CSMD1: variants seen among roughly 807,000 people sequenced by gnomAD.
CSMD1 encodes the protein CUB and Sushi multiple domains 1.
CSMD1 carries 213 observed loss-of-function variants against 417.5 expected under a neutral mutation model. The ratio of observed to expected loss-of-function variants is 0.51; its 90% CI spans 0.46 to 0.57. CSMD1 has a LOEUF of 0.57. Among genes scored for constraint, CSMD1 ranks in the 20% least tolerant of loss-of-function variants. CSMD1 has a pLI of 0.00. For synonymous variants in CSMD1, 2,862 were observed against 1,736.8 expected, an observed-to-expected ratio of 1.65 and a Z score of -16.11; for missense variants, 6,923 against 4,529.7, an observed-to-expected ratio of 1.53 and a Z score of -15.17.
At chr8:3,946,319 G>T (rs936530812) in intron 5 of CSMD1, among the ~76,000 whole-genome samples, 4 of 151,882 alleles carry the variant, frequency 2.6e-5, no homozygotes, top group Non-Finnish European at 4.4e-5. Flanking sequence ...TCTTCTTTAC[G>T]GAATTACCTC....
chr8:4,745,478 T>A (rs368609517), intron 1 of CSMD1, among the ~76,000 whole-genome samples: 3 of 152,340 alleles, frequency 2.0e-5, no homozygotes, highest in Admixed American at 6.5e-5. Flanking sequence ...AACACTGTGG[T>A]ATCATATATT....
intron 3 of CSMD1, among the ~76,000 whole-genome samples, chr8:4,323,398 C>A (rs2128885600): frequency 6.6e-6 from 1 of 152,250 alleles, no homozygotes; most frequent in East Asian, 1.9e-4. Context: ...CCTAATTTCA[C>A]AGCCTTGTTC....
chr8:3,063,073 C>T lies in CSMD1; in HGVS notation c.7475-10426G>A, dbSNP rs375462572. Among the ~76,000 whole-genome samples the T allele has an allele frequency of 2.4e-4, 36 of 152,184 alleles. No homozygotes were observed. In the Middle Eastern group the frequency reaches 0.014, roughly 58 times the overall value. The stretch of plus-strand genomic sequence containing the variant: ...CCAATGTCCTATGGAACCCAAGAGT[C>T]CCAGGCTCACTAAGCATTTAATCAA... On this transcript the variant is annotated intron_variant, in intron 49 of 69. Coordinates refer to ENST00000635120, the MANE Select transcript of CSMD1 (RefSeq NM_033225.6).
chr8:3,574,790 G>A (rs911497096), intron 10 of CSMD1, among the ~76,000 whole-genome samples, 155 bp downstream of exon 10: 7 of 152,230 alleles, frequency 4.6e-5, no homozygotes, highest in African/African-American at 1.7e-4. Flanking sequence ...GCTCTGCAAT[G>A]AATGTGGCAT....
intron 26 of CSMD1, among the ~76,000 whole-genome samples, chr8:3,269,813 TTC>T (rs1801706179): frequency 6.6e-6 from 1 of 152,226 alleles, no homozygotes; most frequent in Non-Finnish European, 1.5e-5. Context: ...GTTCATGTCC[TTC>T]TGTTTTACAT....
intron 3 of CSMD1, among the ~76,000 whole-genome samples, chr8:4,396,009 A>T (rs753519483): frequency 1.1e-4 from 17 of 152,182 alleles, no homozygotes; most frequent in Non-Finnish European, 2.2e-4. Flanking sequence ...ATGTTTTATA[A>T]TCATTTTGTT....
At chr8:3,364,672 C>G (rs766147391) in intron 20 of CSMD1, among the ~76,000 whole-genome samples, 5 of 152,136 alleles carry the variant, frequency 3.3e-5, no homozygotes, top group Non-Finnish European at 5.9e-5. Flanking sequence ...TCTCTTTTAC[C>G]CCATGGGGAT....
intron 2 of CSMD1, among the ~76,000 whole-genome samples, chr8:4,552,220 T>C (rs1054365102): frequency 2.0e-4 from 31 of 152,192 alleles, no homozygotes; most frequent in African/African-American, 7.5e-4. Context: ...TTGGTCTCAA[T>C]GTGAGCCTCC....
intron 1 of CSMD1, among the ~76,000 whole-genome samples, chr8:4,846,031 C>G (rs1487015586): frequency 6.6e-6 from 1 of 152,162 alleles, no homozygotes; most frequent in Non-Finnish European, 1.5e-5. Flanking sequence ...CTTTGTTTTT[C>G]CAGAATGAGC....
chr8:3,923,221 T>C (rs1416862005), intron 5 of CSMD1, among the ~76,000 whole-genome samples: 1 of 152,026 alleles, frequency 6.6e-6, no homozygotes, highest in Non-Finnish European at 1.5e-5. Flanking sequence ...CAGGCTATTG[T>C]TTCCTTGTCT....
intron 5 of CSMD1, among the ~76,000 whole-genome samples, chr8:3,962,499 G>A (rs917324505): frequency 6.6e-6 from 1 of 152,176 alleles, no homozygotes; most frequent in African/African-American, 2.4e-5. Flanking sequence ...CAGCCAGCAT[G>A]CAGGAACCCC....
At chr8:4,744,021 C>T (rs1585031529) in intron 1 of CSMD1, among the ~76,000 whole-genome samples, 1 of 152,230 alleles carries the variant, frequency 6.6e-6, no homozygotes, top group Non-Finnish European at 1.5e-5. Flanking sequence ...CCTGCATCCA[C>T]GCCAGGCTGG....
intron 3 of CSMD1, among the ~76,000 whole-genome samples, chr8:4,119,549 G>C (rs1229594906): frequency 6.6e-6 from 1 of 151,332 alleles, no homozygotes; most frequent in African/African-American, 2.4e-5. Context: ...GTTTAGATGA[G>C]GCCTTAAGGG....
intron 5 of CSMD1, among the ~76,000 whole-genome samples, chr8:3,937,492 T>C (rs1162934796): frequency 2.0e-4 from 30 of 152,154 alleles, no homozygotes; most frequent in Admixed American, 2.0e-3. Context: ...AGCAAAAAGA[T>C]GATGAGTCAT....
At chr8:4,344,232 G>A (rs954785702) in intron 3 of CSMD1, among the ~76,000 whole-genome samples, 4 of 152,084 alleles carry the variant, frequency 2.6e-5, no homozygotes, top group South Asian at 4.1e-4. Flanking sequence ...TTTCCCAAAG[G>A]TGCCTCTGAC....
intron 5 of CSMD1, among the ~76,000 whole-genome samples, chr8:3,770,436 G>A (rs1018627242): frequency 6.6e-6 from 1 of 152,276 alleles, no homozygotes; most frequent in Middle Eastern, 3.4e-3. Context: ...GGCTGAGGCA[G>A]AAGATTCTCT....
chr8:4,354,909 T>TGTGTGTGTGA (rs201029099), intron 3 of CSMD1, among the ~76,000 whole-genome samples: 1 of 146,822 alleles, frequency 6.8e-6, no homozygotes, highest in Non-Finnish European at 1.5e-5. Context: ...TGTGTGTGTG[T>TGTGTGTGTGA]TAAATATTTG....
intron 1 of CSMD1, among the ~76,000 whole-genome samples, chr8:4,907,463 T>C (rs1399465482): frequency 3.9e-5 from 6 of 152,202 alleles, no homozygotes. Context: ...CATCTGTACC[T>C]TTAAAATAAA....
intron 10 of CSMD1, among the ~76,000 whole-genome samples, chr8:3,528,630 C>T (rs1415050471): frequency 6.6e-6 from 1 of 152,168 alleles, no homozygotes; most frequent in African/African-American, 2.4e-5. Context: ...TATTAACTGA[C>T]TAATTAAATG....
Sources: gnomAD v4.1 joint callset for allele counts (sites outside exome capture counted in the v4.1 genomes callset) on GRCh38, gnomAD v4.1.1 for gene constraint, MANE v1.5 for transcripts, NCBI Gene and HGNC (gene_info 2026-07-23, HGNC 2026-07-21) for gene names.